Variants in WNK2 observed in about 807,000 individuals in gnomAD.
WNK2 encodes serine/threonine-protein kinase WNK2.
A neutral mutation model predicts 192.1 loss-of-function variants in WNK2; 67 were observed. The observed-to-expected ratio is 0.35, with a 90% CI of 0.29 to 0.43. The LOEUF (loss-of-function observed/expected upper bound fraction) is 0.43, where lower values mean the gene tolerates loss of function less well. Among genes scored for constraint, WNK2 ranks in the 20% least tolerant of loss-of-function variants. The pLI, the probability that WNK2 is intolerant of heterozygous loss-of-function variation, is 1.00. For missense variants in WNK2, 2,698 were observed against 3,089.7 expected (o/e 0.87, Z 3.01); for synonymous variants, 1,439 against 1,393.9 (o/e 1.03, Z -0.72).
intron 2 of WNK2, among the ~76,000 whole-genome samples, chr9:93,218,436 G>T (rs938262014): frequency 6.6e-6 from 1 of 152,150 alleles, no homozygotes; most frequent in African/African-American, 2.4e-5. Context: ...GCCTGTGCCC[G>T]CCGGGCTCCC....
Position 93,310,569 on chromosome 9 carries a change from T to C in WNK2, c.6516+1985T>C, listed in dbSNP as rs529453235. ...CATCACCATCCATCCACTGAACCTT[T>C]TCATCTTCCCCAGGGAAACTCTATC... On this transcript the variant is annotated intron_variant, in intron 28 of 29. Coordinates refer to ENST00000427277, the MANE Select transcript of WNK2 (RefSeq NM_006648.4). Among the ~76,000 whole-genome samples, 4 of 152,278 alleles carry C rather than the reference T, an allele frequency of 2.6e-5. No homozygotes were observed. In the South Asian group the frequency reaches 8.3e-4, roughly 32 times the overall value.
rs371890649 is a variant in WNK2 at position 93,289,463 on chromosome 9, C to A, written c.4709C>A (p.Ala1570Asp). 6.2e-7 allele frequency: 1 copy of A among 1,612,558 alleles called. No individual in the cohort carries two copies. Among genetic ancestry groups the A allele is most frequent in the Non-Finnish European group, 8.5e-7 (1 of 1,179,564 alleles). ...CAGGAGCACGTGCCCACCTCCTCAG[C>A]CTCAGCTGGGACCCCTGTGGAGGTG... ...LYQEHVPTSS[A>D]SAGTPVEVGD... Residue 1570 changes from alanine to aspartate, a missense_variant, in exon 20 of 30, where the codon GCC (alanine) becomes GAC (aspartate). Physicochemically the swap from Ala to Asp is moderately radical, Grantham distance 126. Transcript: ENST00000427277.
In WNK2 at chr9:93,266,736, G is replaced by C. The variant is rs149379963; in HGVS notation, c.3697-1010G>C. Reference sequence around the variant, plus strand: ...CTGGGGTTGGGGTCTGGGGTGCCAGGGGAGTGTGGAGCGCAGAGGAGCTCT... The same window carrying C: ...CTGGGGTTGGGGTCTGGGGTGCCAGCGGAGTGTGGAGCGCAGAGGAGCTCT... On this transcript the variant is annotated intron_variant, in intron 16 of 29. Coordinates refer to ENST00000427277, the MANE Select transcript of WNK2 (RefSeq NM_006648.4). 2.1e-3 allele frequency among the ~76,000 whole-genome samples: 318 copies of C among 152,344 alleles called. 1 individual carries two copies. Among genetic ancestry groups the C allele is most frequent in the African/African-American group, 7.2e-3 (301 of 41,588 alleles).
chr9:93,294,829 A>C (rs779830155), intron 23 of WNK2, among the ~76,000 whole-genome samples: 16 of 152,018 alleles, frequency 1.1e-4, no homozygotes, highest in Non-Finnish European at 2.1e-4. Context: ...GACTTCCAGG[A>C]GCCTAAGAAC....
At chr9:93,279,868 G>A (rs1847465297) in intron 19 of WNK2, among the ~76,000 whole-genome samples, 1 of 152,096 alleles carries the variant, frequency 6.6e-6, no homozygotes, top group South Asian at 2.1e-4. Flanking sequence ...AAAAAAGGAT[G>A]TTTATTCATA....
chr9:93,235,591 GCAAACA>G (rs1407520411), intron 5 of WNK2, among the ~76,000 whole-genome samples: 2 of 152,246 alleles, frequency 1.3e-5, no homozygotes, highest in Non-Finnish European at 2.9e-5. Flanking sequence ...TGGAGGGAAT[GCAAACA>G]GAACATCTGG....
At chr9:93,283,460 G>C (rs912338355) in intron 19 of WNK2, among the ~76,000 whole-genome samples, 2 of 152,246 alleles carry the variant, frequency 1.3e-5, no homozygotes, top group Admixed American at 1.3e-4. Context: ...GGGATGAAAA[G>C]GGGGAGACAC....
chr9:93,184,500 C>T (rs1018530585), intron 1 of WNK2, among the ~76,000 whole-genome samples, 115 bp downstream of exon 1: 4 of 151,796 alleles, frequency 2.6e-5, no homozygotes, highest in African/African-American at 9.7e-5. Context: ...CTTTGTGGAG[C>T]CGCCGCCGGG....
At chr9:93,312,035 A>G (rs1853755090) in intron 28 of WNK2, among the ~76,000 whole-genome samples, 1 of 152,096 alleles carries the variant, frequency 6.6e-6, no homozygotes, top group South Asian at 2.1e-4. Flanking sequence ...GCGGCTTTTC[A>G]TGTGCTTATT....
At chr9:93,252,702 C>T (rs551593457) in intron 8 of WNK2, among the ~76,000 whole-genome samples, 181 bp from the exon 9 acceptor site, 58 of 152,284 alleles carry the variant, frequency 3.8e-4, no homozygotes, top group South Asian at 1.0e-3. Flanking sequence ...AGTGGGGCAC[C>T]GTGACAGCAT....
At position 93,288,839 on chromosome 9, in the gene WNK2, T is replaced by C; in HGVS notation, c.4085T>C (p.Leu1362Pro). 6.2e-7 allele frequency: 1 copy of C among 1,612,458 alleles called. No homozygotes were observed. Among genetic ancestry groups the C allele is most frequent in the Non-Finnish European group, 8.5e-7 (1 of 1,179,694 alleles). ...TCCTCGAAGGAACAACCCAGCTTTC[T>C]AGCCAGTCAGCAGCTCCTGAGCCAG... ...QLSSKEQPSF[L>P]ASQQLLSQAG... The change falls in exon 20 of 30, where the codon CTA (leucine) becomes CCA (proline). Residue 1362 changes from leucine to proline, a missense_variant. Around this residue, in one of 7 missense-constraint regions of WNK2, gnomAD observed 1,098 missense variants for 1,101.0 expected, o/e 1.00. Coordinates refer to ENST00000427277, the MANE Select transcript of WNK2 (RefSeq NM_006648.4).
Position 93,247,921 on chromosome 9 carries a change from T to A in WNK2, c.1834+87T>A. On this transcript the variant is annotated intron_variant, in intron 8 of 29. Transcript: ENST00000427277. The surrounding 1 kb of genome is among the most constrained non-coding windows in gnomAD (Gnocchi z 5.2). ...TATTGGGCAAAGAAAAATGAAGTCC[T>A]CTCCCTTTATTGGAATGCTTTGTGA... 7.2e-7 allele frequency: 1 copy of A among 1,392,104 alleles called. No individual in the cohort carries two copies. Among genetic ancestry groups the A allele is most frequent in the Non-Finnish European group, 9.6e-7 (1 of 1,039,878 alleles). The allele number at this position is 1,392,104 out of a possible 1,614,324, so 86.2% of individuals were successfully genotyped here. A position where few individuals can be genotyped will look rare whatever the true frequency, so the allele number is the denominator to read the frequency against.
intron 2 of WNK2, among the ~76,000 whole-genome samples, chr9:93,193,099 G>A (rs552206544): frequency 2.6e-5 from 4 of 152,324 alleles, no homozygotes; most frequent in South Asian, 2.1e-4. Context: ...CTGTGCAGCC[G>A]TGATGGGGCA....
chr9:93,241,414 C>T (rs913542537), intron 7 of WNK2, among the ~76,000 whole-genome samples: 3 of 152,228 alleles, frequency 2.0e-5, no homozygotes, highest in African/African-American at 7.2e-5. Context: ...TGTGTCCTGA[C>T]CACAGAGGTG....
chr9:93,208,843 A>G (rs1227443720), intron 2 of WNK2, among the ~76,000 whole-genome samples: 14 of 31,816 alleles, frequency 4.4e-4, no homozygotes, highest in Non-Finnish European at 9.8e-4. Context: ...TGTTCTGTGA[A>G]TGCATGTGTC....
chr9:93,312,810 C>T (rs1853913663), intron 28 of WNK2, among the ~76,000 whole-genome samples: 1 of 152,172 alleles, frequency 6.6e-6, no homozygotes, highest in East Asian at 1.9e-4. Context: ...GCCTTCATCT[C>T]TGGGCTCTCC....
Position 93,234,905 on chromosome 9 carries a change from C to T in WNK2, c.1173C>T (p.Thr391=), listed in dbSNP as rs764241839. 1.2e-5 allele frequency: 20 copies of T among 1,614,086 alleles called. No homozygotes were observed. The highest frequency in any genetic ancestry group is 1.5e-5 in the Non-Finnish European group (18 of 1,180,030). Residue 391 remains threonine, a synonymous_variant, in exon 5 of 30, where the codon ACC becomes ACT. Transcript: ENST00000427277. ...GGATGTGCATGCTGGAGATGGCCAC[C>T]TCGGAGTACCCCTACTCGGAGTGCC... ...AFGMCMLEMA[T]SEYPYSECQN...
At position 93,239,012 on chromosome 9, in the gene WNK2, G is replaced by A. The variant is rs534489342; in HGVS notation, c.1322+691G>A. On this transcript the variant is annotated intron_variant, in intron 6 of 29. Coordinates refer to ENST00000427277, the MANE Select transcript of WNK2 (RefSeq NM_006648.4). This position sits in a 1 kb window ranked among gnomAD's most constrained non-coding sequence, Gnocchi z 4.2. ...CACAGGTGACTCTGGAGCACACACA[G>A]AGGAAGCCAGGCCCCAAAGAGTGCG... 5.3e-5 allele frequency among the ~76,000 whole-genome samples: 8 copies of A among 152,316 alleles called. No homozygotes were observed. In the East Asian group the frequency reaches 1.5e-3, roughly 29 times the overall value.
chr9:93,243,034 G>T (rs575206515), intron 7 of WNK2, among the ~76,000 whole-genome samples: 1 of 152,296 alleles, frequency 6.6e-6, no homozygotes, highest in East Asian at 1.9e-4. Context: ...CGGCTGAGCG[G>T]CAGAGGGGAC....
Sources: gnomAD v4.1 joint callset for allele counts (sites outside exome capture counted in the v4.1 genomes callset) on GRCh38, gnomAD v4.1.1 for gene constraint, gnomAD v4.1.1 regional missense constraint, Gnocchi (gnomAD v3.1) non-coding constraint, MANE v1.5 for transcripts, NCBI Gene and HGNC (gene_info 2026-07-23, HGNC 2026-07-21) for gene names.